Variants in CHRNA7 observed in about 807,000 individuals in gnomAD.
CHRNA7 encodes the protein cholinergic receptor nicotinic alpha 7 subunit.
In CHRNA7, 17 loss-of-function variants were observed where a neutral mutation model predicts 48.0. The observed-to-expected ratio is 0.35, with a 90% CI of 0.24 to 0.53. The LOEUF (loss-of-function observed/expected upper bound fraction) is 0.53. Among genes scored for constraint, CHRNA7 ranks in the 20% least tolerant of loss-of-function variants. The pLI, the probability that CHRNA7 is intolerant of heterozygous loss-of-function variation, is 0.92. For synonymous variants in CHRNA7, 75 were observed against 242.3 expected (o/e 0.31, Z 6.41); for missense variants, 155 against 577.7 (o/e 0.27, Z 7.50).
At chr15:32,118,793 T>A (rs1330999292) in intron 4 of CHRNA7, among the ~76,000 whole-genome samples, 1 of 151,564 alleles carries the variant, frequency 6.6e-6, no homozygotes, top group African/African-American at 2.4e-5. Context: ...TGGGCCAGAT[T>A]GTAGGTGATC....
intron 2 of CHRNA7, among the ~76,000 whole-genome samples, chr15:32,097,587 C>T (rs890276446): frequency 6.6e-6 from 1 of 152,144 alleles, no homozygotes; most frequent in African/African-American, 2.4e-5. Flanking sequence ...GAGAAACAAA[C>T]TTCTATTTTT....
chr15:32,068,053 T>G (rs1456181342), intron 2 of CHRNA7, among the ~76,000 whole-genome samples: 1 of 152,180 alleles, frequency 6.6e-6, no homozygotes, highest in Admixed American at 6.5e-5. Flanking sequence ...GGTTCACACC[T>G]GTATTTTAAG....
At position 32,149,719 on chromosome 15, in the gene CHRNA7, T is replaced by C. The variant is rs1452736910; in HGVS notation, c.351-4188T>C. Among the ~76,000 whole-genome samples the C allele has an allele frequency of 2.0e-5, 3 of 152,138 alleles. No homozygotes were observed. Among genetic ancestry groups the C allele is most frequent in the African/African-American group, 7.2e-5 (3 of 41,406 alleles). ...CAATATTCTGTTTGGATGAAAAACA[T>C]TCAGAAATCACTGAGTCACAAATCA... On this transcript the variant is annotated intron_variant, in intron 4 of 9. Coordinates refer to ENST00000306901, the MANE Select transcript of CHRNA7 (RefSeq NM_000746.6). The surrounding 1 kb of genome is among the most constrained non-coding windows in gnomAD (Gnocchi z 4.6).
At chr15:32,052,677 C>T (rs982072612) in intron 2 of CHRNA7, among the ~76,000 whole-genome samples, 4 of 151,994 alleles carry the variant, frequency 2.6e-5, no homozygotes, top group African/African-American at 4.8e-5. Context: ...TGCAGTGAGC[C>T]GAGATCGCGC....
chr15:32,047,003 G>A (rs1482974261), intron 2 of CHRNA7, among the ~76,000 whole-genome samples: 1 of 150,332 alleles, frequency 6.7e-6, no homozygotes, highest in Non-Finnish European at 1.5e-5. Context: ...TATTTCTGAG[G>A]GCTCTGTTCT....
chr15:32,162,258 CTCTT>C (rs2051921398), intron 8 of CHRNA7: 1 of 151,560 alleles, frequency 6.6e-6, no homozygotes, highest in Non-Finnish European at 1.5e-5. Flanking sequence ...CCGTCAGTAC[CTCTT>C]TCCTCCCCAG....
intron 4 of CHRNA7, among the ~76,000 whole-genome samples, chr15:32,120,439 T>A (rs1595470065): frequency 6.6e-6 from 1 of 152,100 alleles, no homozygotes; most frequent in South Asian, 2.1e-4. Flanking sequence ...TTTCTTTTCT[T>A]TTCTTTTTCT....
At position 32,030,549 on chromosome 15, in the gene CHRNA7, G is replaced by T. The variant is rs145180415; in HGVS notation, c.-46G>T. 4.4e-3 allele frequency: 6,322 copies of T among 1,442,078 alleles called. 239 individuals carry two copies. In the African/African-American group the frequency reaches 0.08, roughly 18 times the overall value. 89.3% of individuals were successfully genotyped at this position (1,442,078 alleles called of 1,614,324 possible). ...GCCGCAGGCGCAGGCCCGGGCGACA[G>T]CCGAGACGTGGAGCGCGCCGGCTCG... On this transcript the variant is annotated 5_prime_UTR_variant, in exon 1 of 10. Coordinates refer to ENST00000306901, the MANE Select transcript of CHRNA7 (RefSeq NM_000746.6).
Position 32,126,405 on chromosome 15 carries a change from T to C in CHRNA7, c.350+14506T>C, listed in dbSNP as rs564122311. On this transcript the variant is annotated intron_variant, in intron 4 of 9. Transcript: ENST00000306901. ...CTACATTGACACAATCTCTTTATCT[T>C]GGCTTTGTTGAACTCTGCCTCATTT... Among the ~76,000 whole-genome samples, 3 of 152,332 alleles carry C rather than the reference T, an allele frequency of 2.0e-5. No homozygotes were observed. In the South Asian group the frequency reaches 6.2e-4, roughly 32 times the overall value.
At chr15:32,074,886 T>A (rs2050113491) in intron 2 of CHRNA7, among the ~76,000 whole-genome samples, 1 of 152,078 alleles carries the variant, frequency 6.6e-6, no homozygotes, top group Non-Finnish European at 1.5e-5. Flanking sequence ...TGACCTCAGG[T>A]GATCCACCCA....
intron 4 of CHRNA7, among the ~76,000 whole-genome samples, chr15:32,114,044 G>GTATATATATA: frequency 1.6e-5 from 1 of 63,606 alleles, no homozygotes; most frequent in African/African-American, 5.7e-5. Flanking sequence ...ATATATATAT[G>GTATATATATA]TATATATATA....
chr15:32,136,848 G>A (rs542806079), intron 4 of CHRNA7, among the ~76,000 whole-genome samples: 48 of 140,120 alleles, frequency 3.4e-4, no homozygotes, highest in African/African-American at 1.1e-3. Context: ...CGGCTAACAC[G>A]GTGAAACCCC....
chr15:32,051,704 G>A (rs1054242695), intron 2 of CHRNA7, among the ~76,000 whole-genome samples: 1 of 152,192 alleles, frequency 6.6e-6, no homozygotes, highest in Non-Finnish European at 1.5e-5. Context: ...GAACCTGGTA[G>A]CTCAGATAGA....
intron 3 of CHRNA7, among the ~76,000 whole-genome samples, chr15:32,110,525 T>A (rs1005112773): frequency 7.2e-5 from 11 of 152,310 alleles, no homozygotes; most frequent in Admixed American, 7.2e-4. Context: ...TCAGATTAGA[T>A]CCTTCCAGAC....
At chr15:32,041,026 AC>A (rs2049439188) in intron 2 of CHRNA7, among the ~76,000 whole-genome samples, 2 of 149,440 alleles carry the variant, frequency 1.3e-5, no homozygotes, top group African/African-American at 5.0e-5. Context: ...TGTAATTCTT[AC>A]CTTTTTGGTC....
intron 4 of CHRNA7, among the ~76,000 whole-genome samples, chr15:32,112,693 G>A (rs933579264): frequency 6.6e-6 from 1 of 152,324 alleles, no homozygotes. Context: ...GAAGAAGGAA[G>A]CCCAGGCTTT....
chr15:32,142,498 C>G (rs371440428), intron 4 of CHRNA7, among the ~76,000 whole-genome samples: 1 of 152,058 alleles, frequency 6.6e-6, no homozygotes, highest in Admixed American at 6.6e-5. Context: ...AGAAATGGTA[C>G]CGGCTCCTCT....
At chr15:32,131,882 C>T (rs111272830) in intron 4 of CHRNA7, among the ~76,000 whole-genome samples, 2 of 152,270 alleles carry the variant, frequency 1.3e-5, no homozygotes, top group African/African-American at 4.8e-5. Flanking sequence ...GGTTCAGGCC[C>T]CCCACTCAGC....
At chr15:32,099,447 C>A (rs895126720) in intron 2 of CHRNA7, 10 of 152,206 alleles carry the variant, frequency 6.6e-5, no homozygotes, top group African/African-American at 2.2e-4. Context: ...AAAAGCTGCA[C>A]TTGGTCCCAA....
Sources: allele counts gnomAD v4.1 joint callset (sites outside exome capture counted in the v4.1 genomes callset), GRCh38; gene constraint gnomAD v4.1.1; non-coding constraint Gnocchi (gnomAD v3.1); transcripts MANE v1.5; gene names NCBI Gene and HGNC (gene_info 2026-07-23, HGNC 2026-07-21).